GADL1: variants seen among roughly 807,000 people sequenced by gnomAD.
GADL1 encodes the protein acidic amino acid decarboxylase GADL1.
A neutral mutation model predicts 69.5 loss-of-function variants in GADL1; 71 were observed. The ratio of observed to expected loss-of-function variants is 1.02; its 90% confidence interval spans 0.84 to 1.25. The LOEUF is 1.25. Ranked by LOEUF, GADL1 falls within the 50% of genes most tolerant of loss-of-function variation. The pLI, the probability that GADL1 is intolerant of heterozygous loss-of-function variation, is 0.00. For missense variants in GADL1, 737 were observed against 631.8 expected, an observed-to-expected ratio of 1.17 and a Z score of -1.79; for synonymous variants, 254 against 214.4, an observed-to-expected ratio of 1.18 and a Z score of -1.62.
intron 1 of GADL1, among the ~76,000 whole-genome samples, chr3:30,886,207 C>A (rs965458857): frequency 6.6e-6 from 1 of 152,034 alleles, no homozygotes; most frequent in African/African-American, 2.4e-5. Flanking sequence ...TGTACTTGAT[C>A]GCCTAATAAG....
chr3:30,755,509 A>T (rs1440842107), intron 14 of GADL1, among the ~76,000 whole-genome samples: 11 of 152,150 alleles, frequency 7.2e-5, no homozygotes, highest in Non-Finnish European at 1.3e-4. Flanking sequence ...TTCTCCCCCT[A>T]AGGAATTTCT....
chr3:30,737,676 C>T (rs1695558977), intron 14 of GADL1, among the ~76,000 whole-genome samples: 1 of 152,118 alleles, frequency 6.6e-6, no homozygotes, highest in Non-Finnish European at 1.5e-5. Flanking sequence ...CCCATGAAAT[C>T]ATGTGCATCC....
intron 1 of GADL1, among the ~76,000 whole-genome samples, chr3:30,882,211 C>A (rs536567527): frequency 4.0e-4 from 60 of 151,820 alleles, no homozygotes; most frequent in African/African-American, 1.4e-3. Flanking sequence ...AAGTGTACAG[C>A]TCAGTAGTGT....
intron 11 of GADL1, among the ~76,000 whole-genome samples, chr3:30,832,500 T>C (rs1318571243): frequency 1.3e-5 from 2 of 152,120 alleles, no homozygotes; most frequent in East Asian, 3.9e-4. Context: ...GTCATAAAAT[T>C]TTTAGTCTAA....
rs905499331 is a variant in GADL1, at chr3:30,823,354, A to G, written c.1050+10499T>C. ...GCAGATATCCTAAAGACTTCAGGAA[A>G]CAAAATTCAAAAGTATTCATTGTTA... On this transcript the variant is annotated intron_variant, in intron 11 of 14. Transcript: ENST00000282538. 4.6e-5 allele frequency among the ~76,000 whole-genome samples: 7 copies of G among 152,014 alleles called. No homozygotes were observed. In the South Asian group the frequency reaches 6.2e-4, roughly 13 times the overall value.
chr3:30,870,966 G>T (rs1190973196), intron 1 of GADL1, among the ~76,000 whole-genome samples: 2 of 151,166 alleles, frequency 1.3e-5, no homozygotes. Flanking sequence ...CATAGGAATT[G>T]GTCATGATGA....
chr3:30,876,918 G>T (rs1001138066), intron 1 of GADL1, among the ~76,000 whole-genome samples: 4 of 151,770 alleles, frequency 2.6e-5, no homozygotes, highest in Admixed American at 2.6e-4. Context: ...ATCCTCTATT[G>T]GCTGTCTCCC....
intron 12 of GADL1, among the ~76,000 whole-genome samples, chr3:30,793,516 G>GA (rs1696965383): frequency 6.6e-6 from 1 of 152,078 alleles, no homozygotes; most frequent in Non-Finnish European, 1.5e-5. Flanking sequence ...ATAACTTCAT[G>GA]AAACTCTTTG....
intron 1 of GADL1, among the ~76,000 whole-genome samples, chr3:30,866,576 T>C (rs886559121): frequency 1.8e-4 from 28 of 151,964 alleles, no homozygotes; most frequent in African/African-American, 6.5e-4. Context: ...GGTAATAAAC[T>C]CTAGACCAAG....
intron 14 of GADL1, among the ~76,000 whole-genome samples, chr3:30,765,982 G>T (rs949689280): frequency 5.3e-5 from 8 of 152,158 alleles, no homozygotes; most frequent in Non-Finnish European, 7.3e-5. Flanking sequence ...TATGAAAAGG[G>T]GTACTCATGC....
intron 1 of GADL1, among the ~76,000 whole-genome samples, chr3:30,883,850 T>G (rs961667124): frequency 1.3e-5 from 2 of 152,156 alleles, no homozygotes; most frequent in East Asian, 3.9e-4. Context: ...GTATAAGTCT[T>G]TAATCTCCTT....
At position 30,747,396 on chromosome 3, in the gene GADL1, G is replaced by T. The variant is rs141894471; in HGVS notation, c.1393-18981C>A. Among the ~76,000 whole-genome samples, 138 of 152,246 alleles carry T rather than the reference G, an allele frequency of 9.1e-4. No individual in the cohort carries two copies. In the Middle Eastern group the frequency reaches 0.014, roughly 15 times the overall value. On this transcript the variant is annotated intron_variant, in intron 14 of 14. Transcript: ENST00000282538. ...TATCTGTCAAAATGATGGTGCATTT[G>T]TCTATCTGAATACTAGAGAAGGAAG... is the stretch of plus-strand genomic sequence containing the variant.
At chr3:30,755,692 C>T (rs1390576308) in intron 14 of GADL1, among the ~76,000 whole-genome samples, 2 of 152,072 alleles carry the variant, frequency 1.3e-5, no homozygotes, top group Non-Finnish European at 2.9e-5. Context: ...GTCTGGGAGT[C>T]CTCCTTAGAA....
At chr3:30,733,684 G>A (rs770289294) in intron 14 of GADL1, among the ~76,000 whole-genome samples, 1 of 142,476 alleles carries the variant, frequency 7.0e-6, no homozygotes, top group Non-Finnish European at 1.5e-5. Flanking sequence ...TTGATTGCTT[G>A]CTTGCTTTCT....
At chr3:30,863,232 T>A (rs934508059) in intron 1 of GADL1, among the ~76,000 whole-genome samples, 2 of 152,044 alleles carry the variant, frequency 1.3e-5, no homozygotes, top group African/African-American at 4.8e-5. Flanking sequence ...GATACTGCTT[T>A]GTCCCTGAGA....
intron 14 of GADL1, among the ~76,000 whole-genome samples, chr3:30,746,917 T>C (rs982031949): frequency 6.6e-6 from 1 of 152,186 alleles, no homozygotes; most frequent in Non-Finnish European, 1.5e-5. Flanking sequence ...TATGAGAGTT[T>C]AAGCATTAAA....
At position 30,879,051 on chromosome 3, in the gene GADL1, A is replaced by AAG. The variant is rs550597840; in HGVS notation, c.37+15525_37+15526dup. Among the ~76,000 whole-genome samples, 205 of 151,918 alleles carry AAG rather than the reference A, an allele frequency of 1.3e-3. 2 individuals are homozygous for AAG. The highest frequency in any genetic ancestry group is 4.7e-3 in the African/African-American group (194 of 41,512). Reference sequence around the variant, plus strand: ...GTCTCACTCAACCTCAGAGTGGAGGAAGAGTGGTGGAGTCCTTGGATCACT... The same window carrying AAG: ...GTCTCACTCAACCTCAGAGTGGAGGAAGAGAGTGGTGGAGTCCTTGGATCACT... On this transcript the variant is annotated intron_variant, in intron 1 of 14. Coordinates refer to ENST00000282538, the MANE Select transcript of GADL1 (RefSeq NM_207359.3).
rs1007551436 is a variant in GADL1, at chr3:30,889,855, C to T, written c.37+4723G>A. 2.6e-4 allele frequency among the ~76,000 whole-genome samples: 40 copies of T among 152,128 alleles called. 1 individual carries two copies. The highest frequency in any genetic ancestry group is 2.3e-3 in the Admixed American group (35 of 15,282). ...TTATATTTCTTATACTGCATTCCCTCCTTGTAAAAGCAATGCAAATTCCTA... is the reference window on the plus strand; with the variant it reads ...TTATATTTCTTATACTGCATTCCCTTCTTGTAAAAGCAATGCAAATTCCTA... On this transcript the variant is annotated intron_variant, in intron 1 of 14. Transcript: ENST00000282538.
In GADL1 at chr3:30,848,776, A is replaced by G. The variant is rs576294743; in HGVS notation, c.651+1220T>C. Among the ~76,000 whole-genome samples the G allele has an allele frequency of 1.3e-4, 20 of 152,278 alleles. No individual in the cohort carries two copies. In the South Asian group the frequency reaches 2.5e-3, roughly 19 times the overall value. On this transcript the variant is annotated intron_variant, in intron 6 of 14. Transcript: ENST00000282538. The stretch of plus-strand genomic sequence containing the variant: ...TTATAGTTAATATTTTAAAAAATCT[A>G]TTATATCCCAGATGACACTTTACAT...
Sources: allele counts gnomAD v4.1 joint callset (sites outside exome capture counted in the v4.1 genomes callset), GRCh38; gene constraint gnomAD v4.1.1; transcripts MANE v1.5; gene names NCBI Gene and HGNC (gene_info 2026-07-23, HGNC 2026-07-21).